MYO3B: variants seen among roughly 807,000 people sequenced by gnomAD.
The protein encoded by MYO3B is myosin-IIIb.
A neutral mutation model predicts 174.6 loss-of-function variants in MYO3B; 156 were observed. The observed-to-expected ratio is 0.89, with a 90% CI of 0.78 to 1.02. MYO3B has a LOEUF of 1.02. Among genes scored for constraint, MYO3B ranks in the 50% least tolerant of loss-of-function variants. MYO3B has a pLI of 0.00. For missense variants in MYO3B, 1,632 were observed against 1,639.4 expected (o/e 1.00, Z 0.08); for synonymous variants, 563 against 569.1 (o/e 0.99, Z 0.15).
chr2:170,236,197 G>T, intron 7 of MYO3B, 61 bp downstream of exon 7: 38 of 1,491,710 alleles, frequency 2.5e-5, no homozygotes, highest in East Asian at 5.6e-5. Flanking sequence ...TGGTTAGAGG[G>T]ATAATAAATA....
At chr2:170,236,651 T>G (rs1472655778) in intron 7 of MYO3B, among the ~76,000 whole-genome samples, 1 of 152,240 alleles carries the variant, frequency 6.6e-6, no homozygotes, top group African/African-American at 2.4e-5. Context: ...TTGGAGAGCA[T>G]TTAAATGCAA....
intron 25 of MYO3B, among the ~76,000 whole-genome samples, chr2:170,491,453 C>A (rs937321380): frequency 1.0e-5 from 1 of 100,458 alleles, no homozygotes; most frequent in African/African-American, 3.8e-5. Flanking sequence ...TATTTTAAGA[C>A]GGAGTCTCTG....
chr2:170,391,531 A>G lies in MYO3B; in HGVS notation c.1589A>G (p.Asn530Ser). 1 of 1,495,828 alleles carries G rather than the reference A, an allele frequency of 6.7e-7. No homozygotes were observed. Among genetic ancestry groups the G allele is most frequent in the South Asian group, 1.3e-5 (1 of 76,782 alleles). 92.7% of individuals were successfully genotyped at this position (1,495,828 alleles called of 1,614,324 possible). The change falls in exon 15 of 35, where the codon AAT (asparagine) becomes AGT (serine). Residue 530 changes from asparagine (N) to serine (S), a missense_variant. Asn to Ser is a conservative substitution (Grantham distance 46). Coordinates refer to ENST00000408978, the MANE Select transcript of MYO3B (RefSeq NM_138995.5). ...TCTTTTTTTTTCAGGAGAGAGAAAA[A>G]TTTTCATATATTTTACTATATTTAT... ...RVIKQAAREK[N>S]FHIFYYIYAG...
At chr2:170,218,408 G>T (rs1271741880) in intron 6 of MYO3B, among the ~76,000 whole-genome samples, 1 of 128,420 alleles carries the variant, frequency 7.8e-6, no homozygotes, top group Non-Finnish European at 1.7e-5. Context: ...AAAACCAAAA[G>T]GAAAAAAATG....
rs1214732177 is a variant in MYO3B at position 170,271,481 on chromosome 2, C to T, written c.749+35345C>T. Among the ~76,000 whole-genome samples, 5 of 152,158 alleles carry T rather than the reference C, an allele frequency of 3.3e-5. No homozygotes were observed. The East Asian group carries it at 7.7e-4, about 23-fold the overall frequency. On this transcript the variant is annotated intron_variant, in intron 7 of 34. Transcript: ENST00000408978. The stretch of plus-strand genomic sequence containing the variant: ...TTTCAACTCTCCAACAGAAGTGTCT[C>T]AATTATGAAGGGAGGTGGCCTACCA...
chr2:170,347,065 C>CA (rs2094022018), intron 8 of MYO3B, among the ~76,000 whole-genome samples: 1 of 152,106 alleles, frequency 6.6e-6, no homozygotes, highest in Admixed American at 6.5e-5. Flanking sequence ...GGCATATGTT[C>CA]AACTAAATCA....
In MYO3B at chr2:170,652,896, C is replaced by T. The variant is rs1699099093; in HGVS notation, c.3888-87C>T. On this transcript the variant is annotated intron_variant, in intron 34 of 34. Transcript: ENST00000408978. ...GTGTTGGAGCCCAACCCTGTTCCAG[C>T]TACTCACATGACTTTAGCTGCCCCA... The T allele has an allele frequency of 9.5e-6, 14 of 1,478,240 alleles. No individual in the cohort carries two copies. The South Asian group carries it at 1.7e-4, about 18-fold the overall frequency. 91.6% of individuals were successfully genotyped at this position (1,478,240 alleles called of 1,614,324 possible).
intron 32 of MYO3B, among the ~76,000 whole-genome samples, chr2:170,620,992 G>A (rs1184296800): frequency 5.3e-5 from 8 of 151,918 alleles, no homozygotes; most frequent in East Asian, 1.9e-4. Context: ...GGGTTCAAGC[G>A]CTTCTCCTGC....
At chr2:170,294,777 A>ATCCC (rs2093618319) in intron 7 of MYO3B, among the ~76,000 whole-genome samples, 1 of 152,156 alleles carries the variant, frequency 6.6e-6, no homozygotes, top group Admixed American at 6.5e-5. Flanking sequence ...GAACTTTAAG[A>ATCCC]TAAACTATGG....
At chr2:170,434,911 G>A (rs1421146120) in intron 22 of MYO3B, among the ~76,000 whole-genome samples, 4 of 152,116 alleles carry the variant, frequency 2.6e-5, no homozygotes, top group Non-Finnish European at 5.9e-5. Flanking sequence ...CCTTCCACTT[G>A]GACTCCCCAG....
At chr2:170,540,732 T>A (rs1690045641) in intron 30 of MYO3B, among the ~76,000 whole-genome samples, 3 of 152,192 alleles carry the variant, frequency 2.0e-5, no homozygotes, top group Admixed American at 6.5e-5. Flanking sequence ...AAGTTAGATT[T>A]TTTAAGAAAA....
intron 32 of MYO3B, among the ~76,000 whole-genome samples, chr2:170,616,054 A>ATCTT (rs1211928293): frequency 6.6e-6 from 1 of 152,236 alleles, no homozygotes; most frequent in African/African-American, 2.4e-5. Context: ...CAGAAACACA[A>ATCTT]TCTTTCCATA....
chr2:170,429,448 T>C (rs17607764), intron 22 of MYO3B, among the ~76,000 whole-genome samples: 26,585 of 152,198 alleles, frequency 0.17, 2,901 homozygotes, highest in East Asian at 0.55. Flanking sequence ...TGACTTATGA[T>C]ACCTTAGCAA....
intron 28 of MYO3B, among the ~76,000 whole-genome samples, chr2:170,513,712 A>AT (rs1462944166): frequency 6.6e-6 from 1 of 152,170 alleles, no homozygotes; most frequent in Admixed American, 6.5e-5. Context: ...CTGTATTCGA[A>AT]TGTGAGCTCC....
intron 8 of MYO3B, chr2:170,341,347 C>G (rs2093975611): frequency 6.6e-6 from 1 of 152,190 alleles, no homozygotes; most frequent in Admixed American, 6.5e-5. Context: ...AATATTGTAA[C>G]TCAGTGATGA....
chr2:170,190,863 C>T (rs1239696402), intron 1 of MYO3B, among the ~76,000 whole-genome samples: 1 of 152,034 alleles, frequency 6.6e-6, no homozygotes, highest in East Asian at 1.9e-4. Flanking sequence ...GAGCTGCTGC[C>T]TAAGCTGCAA....
At chr2:170,186,471 C>T (rs1216775333) in intron 1 of MYO3B, among the ~76,000 whole-genome samples, 1 of 152,140 alleles carries the variant, frequency 6.6e-6, no homozygotes, top group Non-Finnish European at 1.5e-5. Flanking sequence ...TGGGATAAAT[C>T]CCACTTGGTC....
intron 22 of MYO3B, among the ~76,000 whole-genome samples, chr2:170,427,039 A>G (rs568580211): frequency 6.6e-6 from 1 of 152,240 alleles, no homozygotes; most frequent in East Asian, 1.9e-4. Flanking sequence ...GAAAAGAAAT[A>G]GATACTTAGT....
At chr2:170,326,774 T>C (rs1413971212) in intron 7 of MYO3B, among the ~76,000 whole-genome samples, 1 of 152,182 alleles carries the variant, frequency 6.6e-6, no homozygotes, top group Non-Finnish European at 1.5e-5. Context: ...CATTTTGAGG[T>C]AGTGGTCAAG....
Sources: allele counts gnomAD v4.1 joint callset (sites outside exome capture counted in the v4.1 genomes callset), GRCh38; gene constraint gnomAD v4.1.1; transcripts MANE v1.5; gene names NCBI Gene and HGNC (gene_info 2026-07-23, HGNC 2026-07-21).